NAALADL2: variants seen among roughly 807,000 people sequenced by gnomAD.
NAALADL2 encodes the protein N-acetylated alpha-linked acidic dipeptidase like 2, also known as inactive N-acetylated-alpha-linked acidic dipeptidase-like protein 2.
In NAALADL2, 76 loss-of-function variants were observed where a neutral mutation model predicts 87.2. The ratio of observed to expected loss-of-function variants is 0.87; its 90% CI spans 0.72 to 1.05. The LOEUF (loss-of-function observed/expected upper bound fraction) is 1.05, where lower values mean the gene tolerates loss of function less well. NAALADL2 is among the 50% of genes least tolerant of loss of function. The pLI, the probability that NAALADL2 is intolerant of heterozygous loss-of-function variation, is 0.00. For missense variants in NAALADL2, 1,089 were observed against 945.8 expected (o/e 1.15, Z -1.99); for synonymous variants, 354 against 331.0 (o/e 1.07, Z -0.75).
At chr3:174,792,885 G>C (rs1451745892) in intron 3 of NAALADL2, among the ~76,000 whole-genome samples, 1 of 152,116 alleles carries the variant, frequency 6.6e-6, no homozygotes. Flanking sequence ...CCTCTGTCTA[G>C]AATGTAAATA....
At chr3:175,433,468 C>G (rs974547906) in intron 5 of NAALADL2, among the ~76,000 whole-genome samples, 1 of 151,954 alleles carries the variant, frequency 6.6e-6, no homozygotes, top group Non-Finnish European at 1.5e-5. Context: ...GTCCTGCACA[C>G]GGGAACTAAC....
At chr3:175,496,456 AT>A (rs1166134767) in intron 9 of NAALADL2, among the ~76,000 whole-genome samples, 1 of 152,078 alleles carries the variant, frequency 6.6e-6, no homozygotes, top group Non-Finnish European at 1.5e-5. Flanking sequence ...CAATCAACAA[AT>A]TAACTTCATC....
At position 175,052,170 on chromosome 3, in the gene NAALADL2, T is replaced by C. The variant is rs559551305; in HGVS notation, c.44-44620T>C. On this transcript the variant is annotated intron_variant, in intron 1 of 13. Coordinates refer to ENST00000454872, the MANE Select transcript of NAALADL2 (RefSeq NM_207015.3). ...GCTAGTTATCTGCAGCAGGAGCATG[T>C]CCTTAAGGCACAGATCACTCATGCT... Among the ~76,000 whole-genome samples, 7 of 152,356 alleles carry C rather than the reference T, an allele frequency of 4.6e-5. No homozygotes were observed. In the East Asian group the frequency reaches 1.3e-3, roughly 29 times the overall value.
intron 2 of NAALADL2, among the ~76,000 whole-genome samples, chr3:174,584,864 G>A (rs1176236773): frequency 1.3e-5 from 2 of 152,072 alleles, no homozygotes. Flanking sequence ...TATTCACTGC[G>A]AATGCACTCT....
intron 1 of NAALADL2, among the ~76,000 whole-genome samples, chr3:174,890,229 A>C (rs1730706301): frequency 6.6e-6 from 1 of 152,236 alleles, no homozygotes; most frequent in Non-Finnish European, 1.5e-5. Context: ...AAGTTACAAT[A>C]TATTGAGAAG....
intron 11 of NAALADL2, among the ~76,000 whole-genome samples, chr3:175,715,778 G>A (rs1208127671): frequency 1.3e-5 from 2 of 152,018 alleles, no homozygotes; most frequent in South Asian, 4.1e-4. Flanking sequence ...AGAAGACTGA[G>A]GCACAAGAAT....
chr3:174,513,967 A>G lies in NAALADL2; in HGVS notation c.-183-36602A>G, dbSNP rs564321928. ...TTTTTCTCTCTCTCTTCCCCTTGTCAGCCCTCTTCTCTGTACCCACCTATC... is the reference window on the plus strand; with the variant it reads ...TTTTTCTCTCTCTCTTCCCCTTGTCGGCCCTCTTCTCTGTACCCACCTATC... On this transcript the variant is annotated intron_variant, in intron 1 of 3. Transcript: ENST00000434257. 1.1e-4 allele frequency among the ~76,000 whole-genome samples: 17 copies of G among 152,110 alleles called. No individual in the cohort carries two copies. In the East Asian group the frequency reaches 3.3e-3, roughly 29 times the overall value.
chr3:175,604,298 A>ATT lies in NAALADL2; in HGVS notation c.1801-22971_1801-22970dup, dbSNP rs33971019. 3.6e-3 allele frequency among the ~76,000 whole-genome samples: 297 copies of ATT among 83,500 alleles called. 1 individual carries two copies. Among genetic ancestry groups the ATT allele is most frequent in the African/African-American group, 7.8e-3 (178 of 22,932 alleles). The allele number at this position is 83,500 out of a possible 152,430, so 54.8% of individuals were successfully genotyped here. On this transcript the variant is annotated intron_variant, in intron 10 of 13. Transcript: ENST00000454872. ...TTTCTTTTTCTCATATGACATTGAA[A>ATT]TTTTTTTTTTTTTTTTTTTTTTTGA...
intron 1 of NAALADL2, among the ~76,000 whole-genome samples, chr3:175,037,827 C>T (rs548791572): frequency 1.3e-4 from 20 of 152,222 alleles, no homozygotes; most frequent in African/African-American, 4.3e-4. Context: ...GAGCAGGCCA[C>T]GGTATCCCCA....
chr3:174,946,103 T>G (rs1739381202), intron 1 of NAALADL2, among the ~76,000 whole-genome samples: 2 of 146,372 alleles, frequency 1.4e-5, no homozygotes, highest in Admixed American at 1.4e-4. Flanking sequence ...AAATGTGACC[T>G]AATTCTGTGA....
intron 2 of NAALADL2, among the ~76,000 whole-genome samples, chr3:174,590,534 A>G (rs1305564077): frequency 7.9e-5 from 12 of 152,148 alleles, no homozygotes; most frequent in Admixed American, 7.9e-4. Flanking sequence ...CTCTTATTAT[A>G]TTAAATTTTA....
intron 2 of NAALADL2, among the ~76,000 whole-genome samples, chr3:174,725,873 T>C (rs562772624): frequency 6.6e-6 from 1 of 152,338 alleles, no homozygotes; most frequent in African/African-American, 2.4e-5. Flanking sequence ...AATGACCAAC[T>C]TGTTTTTAAC....
rs141888717 is a variant in NAALADL2 at position 175,701,534 on chromosome 3, C to T, written c.1897-35772C>T. Reference sequence around the variant, plus strand: ...ACGTATTTACCAAAAAATGGCATGCCTTCCGTTAATTATCGCACTTGTGGG... The same window carrying T: ...ACGTATTTACCAAAAAATGGCATGCTTTCCGTTAATTATCGCACTTGTGGG... On this transcript the variant is annotated intron_variant, in intron 11 of 13. Coordinates refer to ENST00000454872, the MANE Select transcript of NAALADL2 (RefSeq NM_207015.3). Among the ~76,000 whole-genome samples, 85 of 152,116 alleles carry T rather than the reference C, an allele frequency of 5.6e-4. No individual in the cohort carries two copies. In the East Asian group the frequency reaches 0.014, roughly 25 times the overall value.
chr3:174,861,353 G>A lies in NAALADL2; in HGVS notation c.43+1903G>A, dbSNP rs1048413082. Among the ~76,000 whole-genome samples the A allele has an allele frequency of 2.0e-5, 3 of 152,020 alleles. No individual in the cohort carries two copies. The East Asian group carries it at 5.8e-4, about 29-fold the overall frequency. ...GATTTCTTTACATTATAAAGGCAAT[G>A]GAATGCCTTAACATTTTTCTGTTGT... is the stretch of plus-strand genomic sequence containing the variant. On this transcript the variant is annotated intron_variant, in intron 1 of 13. Coordinates refer to ENST00000454872, the MANE Select transcript of NAALADL2 (RefSeq NM_207015.3).
chr3:175,082,346 T>C (rs182259632), intron 1 of NAALADL2, among the ~76,000 whole-genome samples: 1 of 152,360 alleles, frequency 6.6e-6, no homozygotes, highest in Non-Finnish European at 1.5e-5. Flanking sequence ...AAATATGTAG[T>C]TTATTATTTC....
chr3:174,691,842 C>G (rs995710838), intron 2 of NAALADL2: 1 of 152,208 alleles, frequency 6.6e-6, no homozygotes, highest in Admixed American at 6.5e-5. Flanking sequence ...CATGAAATCA[C>G]TTTCTTTGCT....
At chr3:174,797,439 G>A (rs910001365) in intron 3 of NAALADL2, among the ~76,000 whole-genome samples, 3 of 150,238 alleles carry the variant, frequency 2.0e-5, no homozygotes, top group Non-Finnish European at 3.0e-5. Context: ...AGCCTCCAGA[G>A]TAGTGGAATT....
chr3:174,717,720 G>C (rs940745778), intron 2 of NAALADL2, among the ~76,000 whole-genome samples: 3 of 152,168 alleles, frequency 2.0e-5, no homozygotes, highest in African/African-American at 7.2e-5. Flanking sequence ...TAAATATGTA[G>C]TAAGAAATGA....
intron 1 of NAALADL2, among the ~76,000 whole-genome samples, chr3:174,462,044 T>G (rs554173839): frequency 6.6e-6 from 1 of 151,470 alleles, no homozygotes; most frequent in Non-Finnish European, 1.5e-5. Flanking sequence ...TGATTTATTC[T>G]TCCTCAGGTT....
Sources: gnomAD v4.1 joint callset for allele counts (sites outside exome capture counted in the v4.1 genomes callset) on GRCh38, gnomAD v4.1.1 for gene constraint, MANE v1.5 for transcripts, NCBI Gene and HGNC (gene_info 2026-07-23, HGNC 2026-07-21) for gene names.